LIPG: variants seen among roughly 807,000 people sequenced by gnomAD.
LIPG encodes the protein lipase G, endothelial type.
In LIPG, 34 loss-of-function variants were observed where a neutral mutation model predicts 51.8. That is an observed-to-expected ratio of 0.66 (90% CI 0.50 to 0.87). The LOEUF is 0.87. LIPG is among the 40% of genes least tolerant of loss of function. The pLI is 0.00. For missense variants in LIPG, 580 were observed against 652.7 expected (o/e 0.89, Z 1.21); for synonymous variants, 246 against 246.1 (o/e 1.00, Z 0.00).
intron 3 of LIPG, among the ~76,000 whole-genome samples, 189 bp from the exon 4 acceptor site, chr18:49,569,248 G>A (rs1347560960): frequency 6.6e-6 from 1 of 152,068 alleles, no homozygotes; most frequent in East Asian, 1.9e-4. Flanking sequence ...AAGTCCTTTT[G>A]GCCTCCCCTA....
At position 49,567,563 on chromosome 18, in the gene LIPG, C is replaced by T. The variant is rs779776450; in HGVS notation, c.401C>T (p.Ala134Val). 1.4e-5 allele frequency: 22 copies of T among 1,614,092 alleles called. No individual in the cohort carries two copies. The highest frequency in any genetic ancestry group is 1.7e-4 in the Middle Eastern group (1 of 6,060). Residue 134 changes from alanine (A) to valine (V), a missense_variant, in exon 3 of 10, where the codon GCG (alanine) becomes GTG (valine). Ala to Val is a moderately conservative substitution (Grantham distance 64). Coordinates refer to ENST00000261292, the MANE Select transcript of LIPG (RefSeq NM_006033.4). ...LPLAHQLYTDAVNNTRVVGHS... is the reference protein window; with the variant it reads ...LPLAHQLYTDVVNNTRVVGHS... ...CTGGCCCACCAGCTTTACACGGATGCGGTCAATAATACCAGGGTGGTGGGA... is the reference window on the plus strand; with the variant it reads ...CTGGCCCACCAGCTTTACACGGATGTGGTCAATAATACCAGGGTGGTGGGA...
At chr18:49,568,972 C>T (rs2084635359) in intron 3 of LIPG, among the ~76,000 whole-genome samples, 1 of 152,078 alleles carries the variant, frequency 6.6e-6, no homozygotes, top group Non-Finnish European at 1.5e-5. Context: ...GTCTGGGGTC[C>T]CACATGGGCT....
intron 1 of LIPG, among the ~76,000 whole-genome samples, chr18:49,564,533 T>G (rs1165885163): frequency 6.6e-6 from 1 of 152,224 alleles, no homozygotes; most frequent in East Asian, 1.9e-4. Flanking sequence ...GTCATTTACT[T>G]AACAAACCAG....
intron 9 of LIPG, 62 bp downstream of exon 9, chr18:49,586,912 G>A: frequency 1.7e-6 from 2 of 1,195,320 alleles, no homozygotes; most frequent in Non-Finnish European, 2.5e-6. Context: ...CTCCTAGCAT[G>A]TGCTGGGGAT....
rs1324626963 is a variant in LIPG, at chr18:49,595,790, T to C, written c.*5268T>C. On this transcript the variant is annotated 3_prime_UTR_variant, in exon 10 of 10. Transcript: ENST00000261292. ...TTGCAGTGAGCTGAGATCACGCCAC[T>C]GCACTCCAGCCTAGGCAACTGAGTG... 1 of 152,180 alleles carries C rather than the reference T, an allele frequency of 6.6e-6. No homozygotes were observed. Among genetic ancestry groups the C allele is most frequent in the Admixed American group, 6.5e-5 (1 of 15,274 alleles). 9.4% of individuals were successfully genotyped at this position (152,180 alleles called of 1,614,324 possible). A position where few individuals can be genotyped will look rare whatever the true frequency, so the allele number is the denominator to read the frequency against.
intron 9 of LIPG, chr18:49,589,785 T>G (rs2084920827): frequency 6.5e-6 from 1 of 153,632 alleles, no homozygotes; most frequent in Non-Finnish European, 1.4e-5. Flanking sequence ...GGCTAAGATA[T>G]TTATTCTTCT....
At chr18:49,590,466 G>C (rs1346940279) in intron 9 of LIPG, 35 bp from the exon 10 acceptor site, 1 of 1,591,286 alleles carries the variant, frequency 6.3e-7, no homozygotes, top group African/African-American at 1.3e-5. Flanking sequence ...TGGTGTGTGA[G>C]CTAACAAATG....
At chr18:49,563,449 T>C (rs2084571894) in intron 1 of LIPG, among the ~76,000 whole-genome samples, 1 of 152,066 alleles carries the variant, frequency 6.6e-6, no homozygotes, top group Non-Finnish European at 1.5e-5. Context: ...ACTGCATACC[T>C]ACTTAGTGTC....
At chr18:49,566,064 C>A (rs1023254194) in intron 2 of LIPG, among the ~76,000 whole-genome samples, 5 of 152,198 alleles carry the variant, frequency 3.3e-5, no homozygotes, top group Non-Finnish European at 7.3e-5. Context: ...AAGCTTTTGA[C>A]CAGCCAGGAA....
intron 8 of LIPG, 62 bp downstream of exon 8, chr18:49,583,836 G>A (rs1394142106): frequency 4.1e-6 from 6 of 1,450,714 alleles, no homozygotes; most frequent in Non-Finnish European, 5.7e-6. Flanking sequence ...CTGTGCCTGT[G>A]ACATTTCCTT....
At chr18:49,565,714 G>A (rs527536485) in intron 2 of LIPG, among the ~76,000 whole-genome samples, 3 of 152,228 alleles carry the variant, frequency 2.0e-5, no homozygotes, top group South Asian at 2.1e-4. Context: ...GGCATACAAC[G>A]GGCTTTCAGA....
In LIPG at chr18:49,582,550, A is replaced by G. The variant is rs1032160249; in HGVS notation, c.1157+68A>G. The G allele has an allele frequency of 6.9e-6, 11 of 1,601,258 alleles. No individual in the cohort carries two copies. The African/African-American group carries it at 1.2e-4, about 18-fold the overall frequency. On this transcript the variant is annotated intron_variant, in intron 7 of 9. Transcript: ENST00000261292. ...GGTTGGTTTGAGAATGAGAGAGCAC[A>G]AGGGAGCGTGTGAACGAGTACAGCA...
intron 4 of LIPG, among the ~76,000 whole-genome samples, chr18:49,573,394 C>T (rs938944100): frequency 6.6e-6 from 1 of 152,048 alleles, no homozygotes; most frequent in South Asian, 2.1e-4. Context: ...AGCCTGGGCT[C>T]CCTTTCTGTC....
At chr18:49,565,223 A>T in intron 1 of LIPG, 94 bp from the exon 2 acceptor site, 1 of 1,296,712 alleles carries the variant, frequency 7.7e-7, no homozygotes, top group Non-Finnish European at 1.1e-6. Context: ...CAGATGGCTT[A>T]AGCAAATTGC....
chr18:49,582,235 T>C, intron 6 of LIPG, 127 bp from the exon 7 acceptor site: 1 of 1,139,218 alleles, frequency 8.8e-7, no homozygotes, highest in Non-Finnish European at 1.3e-6. Context: ...AGATGGGGGC[T>C]GCAGGCTGGG....
intron 9 of LIPG, among the ~76,000 whole-genome samples, chr18:49,589,123 C>T (rs1417538305): frequency 2.6e-5 from 4 of 152,116 alleles, no homozygotes; most frequent in East Asian, 3.9e-4. Context: ...TGAATCACCT[C>T]GCGTCTGTCT....
Position 49,581,444 on chromosome 18 carries a change from G to C in LIPG, c.823G>C (p.Glu275Gln). Residue 275 changes from glutamate (E) to glutamine (Q), a missense_variant, in exon 6 of 10, where the codon GAG (glutamate) becomes CAG (glutamine). Physicochemically the swap from Glu to Gln is conservative, Grantham distance 29. Transcript: ENST00000261292. ...TITEVVKCEH[E>Q]RAVHLFVDSL... ...CACAGAGGTGGTAAAATGTGAGCATGAGCGAGCCGTCCACCTCTTTGTTGA... is the reference window on the plus strand; with the variant it reads ...CACAGAGGTGGTAAAATGTGAGCATCAGCGAGCCGTCCACCTCTTTGTTGA... 6.2e-7 allele frequency: 1 copy of C among 1,614,154 alleles called. No homozygotes were observed. Among genetic ancestry groups the C allele is most frequent in the Non-Finnish European group, 8.5e-7 (1 of 1,180,044 alleles).
At chr18:49,572,031 C>T (rs11874841) in intron 4 of LIPG, among the ~76,000 whole-genome samples, 10,113 of 152,128 alleles carry the variant, frequency 0.066, 374 homozygotes, top group South Asian at 0.14. Flanking sequence ...CATGTGTGGC[C>T]GGGCGTGGCC....
intron 5 of LIPG, among the ~76,000 whole-genome samples, chr18:49,578,778 C>G (rs1046651658): frequency 1.3e-5 from 2 of 150,992 alleles, no homozygotes; most frequent in African/African-American, 2.4e-5. Flanking sequence ...CCCGGCACCT[C>G]GGGAGGCCAA....
Sources: allele counts gnomAD v4.1 joint callset (sites outside exome capture counted in the v4.1 genomes callset), GRCh38; gene constraint gnomAD v4.1.1; transcripts MANE v1.5; gene names NCBI Gene and HGNC (gene_info 2026-07-23, HGNC 2026-07-21).